Variants in LSAMP observed in about 807,000 individuals in gnomAD.
The protein encoded by LSAMP is limbic system associated membrane protein.
Under a neutral mutation model 38.6 loss-of-function variants are expected in LSAMP, and 7 were observed. The observed-to-expected ratio is 0.18, with a 90% CI of 0.10 to 0.34. The LOEUF (loss-of-function observed/expected upper bound fraction) is 0.34. LSAMP is among the 10% of genes least tolerant of loss of function. LSAMP has a pLI of 1.00. For missense variants in LSAMP, 313 were observed against 420.0 expected (o/e 0.75, Z 2.23); for synonymous variants, 154 against 166.8 (o/e 0.92, Z 0.59).
intron 3 of LSAMP, among the ~76,000 whole-genome samples, chr3:115,852,846 A>G (rs1935376524): frequency 6.6e-6 from 1 of 152,196 alleles, no homozygotes. Context: ...GGAAAATGGA[A>G]CTTGGAAGAC....
At chr3:116,367,315 T>G (rs1449450230) in intron 1 of LSAMP, among the ~76,000 whole-genome samples, 1 of 151,976 alleles carries the variant, frequency 6.6e-6, no homozygotes, top group African/African-American at 2.4e-5. Flanking sequence ...AAAAGAGAAA[T>G]CAGGAAGCCA....
chr3:116,328,331 C>T (rs1454074535), intron 1 of LSAMP, among the ~76,000 whole-genome samples: 2 of 152,070 alleles, frequency 1.3e-5, no homozygotes, highest in East Asian at 3.9e-4. Flanking sequence ...AAATTAGAAT[C>T]GAAATTCTTT....
At chr3:116,444,832 A>G (rs774397272) in intron 1 of LSAMP, 45 bp downstream of exon 1, 1 of 1,610,754 alleles carries the variant, frequency 6.2e-7, no homozygotes, top group Non-Finnish European at 8.5e-7. Flanking sequence ...ACACACACAC[A>G]CACGTGTAGA....
chr3:116,111,209 T>C (rs937610538), intron 1 of LSAMP, among the ~76,000 whole-genome samples: 1 of 152,212 alleles, frequency 6.6e-6, no homozygotes, highest in African/African-American at 2.4e-5. Flanking sequence ...ATGGCTTGGC[T>C]TGGGCTCAGA....
chr3:115,924,152 T>C (rs192426501), intron 3 of LSAMP, among the ~76,000 whole-genome samples: 29 of 152,322 alleles, frequency 1.9e-4, no homozygotes, highest in African/African-American at 6.7e-4. Flanking sequence ...TTGTTTGTTT[T>C]TTCTAATCTG....
At chr3:115,914,268 A>G (rs1337050690) in intron 3 of LSAMP, among the ~76,000 whole-genome samples, 1 of 152,166 alleles carries the variant, frequency 6.6e-6, no homozygotes, top group Non-Finnish European at 1.5e-5. Context: ...CACTTTTAGC[A>G]AGAATCTTGC....
At chr3:116,007,676 A>G (rs766385392) in intron 3 of LSAMP, among the ~76,000 whole-genome samples, 4 of 152,044 alleles carry the variant, frequency 2.6e-5, no homozygotes, top group Non-Finnish European at 5.9e-5. Flanking sequence ...ACACACACAC[A>G]CACACAGTCA....
chr3:115,878,595 G>A (rs1227686617), intron 3 of LSAMP, among the ~76,000 whole-genome samples: 1 of 151,014 alleles, frequency 6.6e-6, no homozygotes, highest in Non-Finnish European at 1.5e-5. Context: ...CAGAGTAGCT[G>A]GAACTACAGG....
chr3:116,282,035 C>G (rs774870873), intron 1 of LSAMP, among the ~76,000 whole-genome samples: 8 of 152,148 alleles, frequency 5.3e-5, no homozygotes, highest in Non-Finnish European at 7.4e-5. Flanking sequence ...TGTTTATTTT[C>G]TATAAGAAAA....
At chr3:116,210,560 C>T (rs935524499) in intron 1 of LSAMP, among the ~76,000 whole-genome samples, 4 of 152,174 alleles carry the variant, frequency 2.6e-5, no homozygotes, top group Non-Finnish European at 4.4e-5. Context: ...GTCGGCTTCC[C>T]TACTTTTGAG....
intron 1 of LSAMP, among the ~76,000 whole-genome samples, chr3:116,110,498 C>T (rs1460854624): frequency 6.6e-6 from 1 of 151,934 alleles, no homozygotes; most frequent in African/African-American, 2.4e-5. Flanking sequence ...TTTGGGTCCA[C>T]GGATAAAACG....
chr3:115,926,876 C>G (rs1371770389), intron 3 of LSAMP, among the ~76,000 whole-genome samples: 1 of 152,136 alleles, frequency 6.6e-6, no homozygotes, highest in Non-Finnish European at 1.5e-5. Flanking sequence ...TGTACTCATT[C>G]TTTATCTAAA....
intron 1 of LSAMP, among the ~76,000 whole-genome samples, chr3:116,348,076 G>C (rs1483490169): frequency 3.3e-5 from 5 of 151,882 alleles, no homozygotes; most frequent in African/African-American, 4.8e-5. Flanking sequence ...ATTATCGGTA[G>C]CAATCCTTCC....
chr3:115,871,584 T>TGC (rs1177749828), intron 3 of LSAMP, among the ~76,000 whole-genome samples: 2 of 79,276 alleles, frequency 2.5e-5, no homozygotes, highest in Non-Finnish European at 4.4e-5. Context: ...CAACGTGTAG[T>TGC]GTGTGTGTGT....
intron 3 of LSAMP, among the ~76,000 whole-genome samples, chr3:115,865,431 C>G (rs960502764): frequency 6.6e-6 from 1 of 152,096 alleles, no homozygotes; most frequent in South Asian, 2.1e-4. Flanking sequence ...ATGTCTTTTT[C>G]AACTCTTGCT....
chr3:115,827,682 A>G (rs922107840), intron 6 of LSAMP, among the ~76,000 whole-genome samples: 3 of 152,176 alleles, frequency 2.0e-5, no homozygotes, highest in Non-Finnish European at 4.4e-5. Flanking sequence ...AGCATGATAA[A>G]TGACTTGTAA....
At chr3:116,177,884 G>A (rs896422511) in intron 1 of LSAMP, among the ~76,000 whole-genome samples, 51 of 152,170 alleles carry the variant, frequency 3.4e-4, no homozygotes, top group African/African-American at 1.2e-3. Flanking sequence ...CAGTCTAAAT[G>A]GAGAGAATTA....
chr3:116,113,122 G>A (rs1708654518), intron 1 of LSAMP, among the ~76,000 whole-genome samples: 1 of 151,812 alleles, frequency 6.6e-6, no homozygotes, highest in Non-Finnish European at 1.5e-5. Flanking sequence ...AAGAGAGAGA[G>A]TAACAGTGTG....
intron 1 of LSAMP, among the ~76,000 whole-genome samples, chr3:116,400,604 A>G (rs115208886): frequency 0.027 from 4,130 of 152,080 alleles, 188 homozygotes; most frequent in African/African-American, 0.091. Flanking sequence ...TCAGCCCCCA[A>G]GTAGCTGGAA....
Sources: gnomAD v4.1 joint callset for allele counts (sites outside exome capture counted in the v4.1 genomes callset) on GRCh38, gnomAD v4.1.1 for gene constraint, MANE v1.5 for transcripts, NCBI Gene and HGNC (gene_info 2026-07-23, HGNC 2026-07-21) for gene names.